The following TENM3 variants were observed in gnomAD, a reference collection of about 807,000 sequenced individuals.
The protein encoded by TENM3 is teneurin transmembrane protein 3.
In TENM3, 63 loss-of-function variants were observed where a neutral mutation model predicts 255.1. That is an observed-to-expected ratio of 0.25 (90% confidence interval 0.20 to 0.30). The LOEUF (loss-of-function observed/expected upper bound fraction) is 0.30. TENM3 is among the 10% of genes least tolerant of loss of function. TENM3 has a pLI of 1.00. For missense variants in TENM3, 2,929 were observed against 3,461.1 expected, an observed-to-expected ratio of 0.85 and a Z score of 3.86; for synonymous variants, 1,306 against 1,322.3, an observed-to-expected ratio of 0.99 and a Z score of 0.27.
the TENM3 span, among the ~76,000 whole-genome samples, chr4:181,900,043 C>A: frequency 6.6e-6 from 1 of 152,106 alleles, no homozygotes; most frequent in Non-Finnish European, 1.5e-5. Context: ...TGTTCTCACA[C>A]ACTCATAAAT....
chr4:182,529,398 T>C (rs1403769893), intron 3 of TENM3, among the ~76,000 whole-genome samples: 7 of 152,196 alleles, frequency 4.6e-5, no homozygotes, highest in African/African-American at 1.7e-4. Context: ...AACTTTCTTA[T>C]CACTTAGGAG....
intron 3 of TENM3, among the ~76,000 whole-genome samples, chr4:182,594,876 C>T (rs867076198): frequency 1.3e-4 from 19 of 151,896 alleles, no homozygotes; most frequent in African/African-American, 3.6e-4. Context: ...CGTGCCACCG[C>T]GCCCAGCTAA....
the TENM3 span, among the ~76,000 whole-genome samples, chr4:181,787,011 C>G: frequency 6.6e-6 from 1 of 152,210 alleles, no homozygotes; most frequent in Admixed American, 6.5e-5. Context: ...CCCTGTGGCA[C>G]TCTCTCATGT....
At chr4:182,390,907 G>A (rs1452176170) in intron 3 of TENM3, among the ~76,000 whole-genome samples, 1 of 152,212 alleles carries the variant, frequency 6.6e-6, no homozygotes, top group African/African-American at 2.4e-5. Context: ...TGATGTCCAC[G>A]GCAGGGTTAT....
rs79963885 is a variant in TENM3 at position 182,294,064 on chromosome 4, G to A, written c.-75-29882G>A. 6.0e-4 allele frequency among the ~76,000 whole-genome samples: 92 copies of A among 152,138 alleles called. No individual in the cohort carries two copies. The East Asian group carries it at 0.017, about 27-fold the overall frequency. ...ACTTCAGGATTTCCTCTACCAGGGA[G>A]TCGGAAGCATTGGAGTCAGCATCAC... On this transcript the variant is annotated intron_variant, in intron 1 of 27. Transcript: ENST00000511685.
the TENM3 span, among the ~76,000 whole-genome samples, chr4:181,750,667 A>G: frequency 6.6e-6 from 1 of 152,182 alleles, no homozygotes; most frequent in African/African-American, 2.4e-5. Context: ...CCCACCAAAT[A>G]TCACATATTG....
intron 3 of TENM3, among the ~76,000 whole-genome samples, chr4:182,472,920 G>C (rs1228384337): frequency 6.6e-6 from 1 of 152,044 alleles, no homozygotes; most frequent in Non-Finnish European, 1.5e-5. Context: ...ACAGAGTCTT[G>C]CTATGTTGTT....
upstream of TENM3, chr4:182,142,579 G>A (rs1408954986): frequency 1.2e-5 from 2 of 167,312 alleles, no homozygotes; most frequent in African/African-American, 4.8e-5. Flanking sequence ...ACAGGTACAG[G>A]TGGAGGTCGG....
At chr4:181,741,361 G>A in the TENM3 span, among the ~76,000 whole-genome samples, 1 of 152,184 alleles carries the variant, frequency 6.6e-6, no homozygotes, top group Admixed American at 6.5e-5. Flanking sequence ...TTATGCTTGA[G>A]ATGACCTAAA....
At chr4:182,100,564 CACAT>C in the TENM3 span, among the ~76,000 whole-genome samples, 1 of 126,938 alleles carries the variant, frequency 7.9e-6, no homozygotes, top group Non-Finnish European at 1.6e-5. Context: ...TATATATACA[CACAT>C]ATATATACAC....
At chr4:181,503,115 C>G in the TENM3 span, among the ~76,000 whole-genome samples, 1 of 152,138 alleles carries the variant, frequency 6.6e-6, no homozygotes, top group South Asian at 2.1e-4. Context: ...ATAATTCCAG[C>G]ACCCTGGGAG....
chr4:181,487,803 T>G, the TENM3 span, among the ~76,000 whole-genome samples: 2 of 151,942 alleles, frequency 1.3e-5, no homozygotes, highest in East Asian at 3.9e-4. Context: ...TCCAGACCCC[T>G]ATATGCCCCT....
intron 5 of TENM3, among the ~76,000 whole-genome samples, chr4:182,648,310 G>A (rs1389552666): frequency 2.0e-5 from 3 of 149,600 alleles, no homozygotes; most frequent in Non-Finnish European, 4.4e-5. Flanking sequence ...TTGAAACAGA[G>A]TCTCATTTTG....
chr4:181,540,565 C>T, the TENM3 span, among the ~76,000 whole-genome samples: 2 of 152,200 alleles, frequency 1.3e-5, no homozygotes, highest in Non-Finnish European at 2.9e-5. Flanking sequence ...AACAACATGT[C>T]ATGTTGGTAG....
chr4:181,467,206 C>T, the TENM3 span, among the ~76,000 whole-genome samples: 6 of 144,222 alleles, frequency 4.2e-5, no homozygotes, highest in East Asian at 2.0e-4. Context: ...CTTGGCTCCC[C>T]GCGACCTCCG....
the TENM3 span, among the ~76,000 whole-genome samples, chr4:181,669,245 A>G: frequency 6.6e-6 from 1 of 152,192 alleles, no homozygotes; most frequent in African/African-American, 2.4e-5. Context: ...TTCATTACAT[A>G]CTAATGCATT....
Position 182,673,186 on chromosome 4 carries a change from T to C in TENM3, c.1293T>C (p.Tyr431=). 6.2e-7 allele frequency: 1 copy of C among 1,613,718 alleles called. No individual in the cohort carries two copies. The highest frequency in any genetic ancestry group is 8.5e-7 in the Non-Finnish European group (1 of 1,179,694). The stretch of plus-strand genomic sequence containing the variant: ...AGAAGGATGCATTGATTGGAGTATA[T>C]GGCCGGAAAGGCTTACCGCCTTCCC... ...SLQKDALIGV[Y]GRKGLPPSHT... Residue 431 remains tyrosine (Y), a synonymous_variant, in exon 7 of 28, where the codon TAT becomes TAC. Transcript: ENST00000511685.
At chr4:182,113,376 G>A in the TENM3 span, among the ~76,000 whole-genome samples, 1 of 152,134 alleles carries the variant, frequency 6.6e-6, no homozygotes, top group Non-Finnish European at 1.5e-5. Context: ...GGGAAAGGAG[G>A]TATCACTGTC....
chr4:182,679,156 T>A (rs946546934), intron 7 of TENM3, among the ~76,000 whole-genome samples: 1 of 152,024 alleles, frequency 6.6e-6, no homozygotes, highest in Non-Finnish European at 1.5e-5. Context: ...CGTGTATACC[T>A]ATGTAACAAA....
Sources: allele counts gnomAD v4.1 joint callset (sites outside exome capture counted in the v4.1 genomes callset), GRCh38; gene constraint gnomAD v4.1.1; transcripts MANE v1.5; gene names NCBI Gene and HGNC (gene_info 2026-07-23, HGNC 2026-07-21).